Variants in CFTR observed in about 807,000 individuals in gnomAD.
CFTR encodes cystic fibrosis transmembrane conductance regulator.
A neutral mutation model predicts 171.6 loss-of-function variants in CFTR; 181 were observed. The observed-to-expected ratio is 1.05, with a 90% confidence interval of 0.93 to 1.19. CFTR has a LOEUF of 1.19. Ranked by LOEUF, CFTR falls within the 50% of genes most tolerant of loss-of-function variation. CFTR has a pLI of 0.00. For synonymous variants in CFTR, 583 were observed against 608.0 expected, an observed-to-expected ratio of 0.96 and a Z score of 0.60; for missense variants, 1,968 against 1,734.7, an observed-to-expected ratio of 1.13 and a Z score of -2.39.
intron 24 of CFTR, among the ~76,000 whole-genome samples, chr7:117,662,732 T>G (rs978728233): frequency 6.6e-6 from 1 of 152,150 alleles, no homozygotes; most frequent in African/African-American, 2.4e-5. Context: ...TCTTAAGAGA[T>G]GATGATGACC....
chr7:117,664,076 A>G (rs968654384), intron 24 of CFTR, among the ~76,000 whole-genome samples: 1 of 152,110 alleles, frequency 6.6e-6, no homozygotes, highest in Non-Finnish European at 1.5e-5. Context: ...TCATAGTTTT[A>G]CCTATTTGTT....
intron 14 of CFTR, among the ~76,000 whole-genome samples, chr7:117,593,088 G>C (rs2116035313): frequency 6.6e-6 from 1 of 152,282 alleles, no homozygotes; most frequent in South Asian, 2.1e-4. Flanking sequence ...TTAGCCTCTT[G>C]ATAGGACTAA....
intron 11 of CFTR, among the ~76,000 whole-genome samples, chr7:117,568,350 C>A (rs865831199): frequency 6.6e-6 from 1 of 152,152 alleles, no homozygotes; most frequent in African/African-American, 2.4e-5. Flanking sequence ...CAAAGATTGT[C>A]ATTGACTGCA....
intron 22 of CFTR, among the ~76,000 whole-genome samples, chr7:117,634,721 A>G (rs1311573713): frequency 6.6e-6 from 1 of 152,056 alleles, no homozygotes; most frequent in Non-Finnish European, 1.5e-5. Flanking sequence ...TGTGTTACTT[A>G]GAAGTGTGTT....
intron 11 of CFTR, among the ~76,000 whole-genome samples, chr7:117,573,003 T>C (rs1791717025): frequency 6.6e-6 from 1 of 151,976 alleles, no homozygotes; most frequent in Non-Finnish European, 1.5e-5. Flanking sequence ...ATTGCAAAAT[T>C]ACACAGGACC....
At chr7:117,576,510 C>T (rs1008063225) in intron 11 of CFTR, among the ~76,000 whole-genome samples, 11 of 152,052 alleles carry the variant, frequency 7.2e-5, no homozygotes, top group African/African-American at 2.7e-4. Context: ...ACAGAGAGTC[C>T]TGGAACCAAT....
chr7:117,531,883 T>G (rs891004457), intron 4 of CFTR, among the ~76,000 whole-genome samples: 4 of 152,168 alleles, frequency 2.6e-5, no homozygotes, highest in African/African-American at 9.7e-5. Context: ...TGCTTTACCC[T>G]TCTTCTCTCT....
rs760245752 is a variant in CFTR at position 117,665,439 on chromosome 7, G to T, written c.4137-20G>T. 7.5e-7 allele frequency: 1 copy of T among 1,325,696 alleles called. No homozygotes were observed. The highest frequency in any genetic ancestry group is 2.3e-5 in the East Asian group (1 of 43,454). 82.1% of individuals were successfully genotyped at this position (1,325,696 alleles called of 1,614,324 possible). ...TTACTGTTCTGTGATATTATGTGTG[G>T]TATTTTCTTTCTTTTCTAGAACATA... On this transcript the variant is annotated intron_variant, in intron 25 of 26. Transcript: ENST00000003084.
At chr7:117,536,715 C>T in intron 7 of CFTR, 42 bp downstream of exon 7, 2 of 1,545,198 alleles carry the variant, frequency 1.3e-6, no homozygotes, top group Middle Eastern at 3.7e-4. Context: ...GTAATTCTGT[C>T]CTTAATTTTT....
At chr7:117,486,095 C>T (rs1219168405) in intron 1 of CFTR, among the ~76,000 whole-genome samples, 1 of 152,114 alleles carries the variant, frequency 6.6e-6, no homozygotes, top group African/African-American at 2.4e-5. Flanking sequence ...TCCCTTCTGC[C>T]TTAGCCTTTG....
intron 1 of CFTR, among the ~76,000 whole-genome samples, chr7:117,495,149 A>G (rs950733222): frequency 2.6e-5 from 4 of 152,152 alleles, no homozygotes; most frequent in African/African-American, 9.7e-5. Flanking sequence ...TCTTGTGAAT[A>G]AAGAGCTCCT....
chr7:117,632,715 GA>G (rs1792768096), intron 22 of CFTR, among the ~76,000 whole-genome samples: 1 of 152,172 alleles, frequency 6.6e-6, no homozygotes, highest in African/African-American at 2.4e-5. Context: ...TTGGTGGCAG[GA>G]AGTAGAAAGC....
intron 19 of CFTR, among the ~76,000 whole-genome samples, chr7:117,611,270 A>AT (rs1303336853): frequency 1.3e-5 from 2 of 152,122 alleles, no homozygotes; most frequent in Admixed American, 6.6e-5. Context: ...TTAAAAGAAA[A>AT]TTTTTTTAGT....
chr7:117,568,634 G>C (rs1791640728), intron 11 of CFTR, among the ~76,000 whole-genome samples: 1 of 151,994 alleles, frequency 6.6e-6, no homozygotes, highest in South Asian at 2.1e-4. Context: ...AACAATTGTA[G>C]GTATATGTCA....
chr7:117,517,132 A>G (rs1021149090), intron 3 of CFTR, among the ~76,000 whole-genome samples: 2 of 151,930 alleles, frequency 1.3e-5, no homozygotes, highest in African/African-American at 4.8e-5. Context: ...CTAGATGGCG[A>G]TTGCAATGGC....
chr7:117,594,792 T>C, intron 14 of CFTR, 138 bp from the exon 15 acceptor site: 1 of 753,488 alleles, frequency 1.3e-6, no homozygotes, highest in South Asian at 1.7e-5. Flanking sequence ...ACATGGCATT[T>C]ATAATGATTT....
rs762241850 is a variant in CFTR at position 117,480,123 on chromosome 7, G to C, written c.29G>C (p.Ser10Thr). 1.9e-6 allele frequency: 3 copies of C among 1,613,920 alleles called. No homozygotes were observed. Among genetic ancestry groups the C allele is most frequent in the Non-Finnish European group, 2.5e-6 (3 of 1,179,882 alleles). The change falls in exon 1 of 27, where the codon AGC becomes ACC. Residue 10 changes from serine (S) to threonine (T), a missense_variant. By Grantham distance (58) the Ser-to-Thr change is moderately conservative (BLOSUM62 1). Transcript: ENST00000003084. Reference sequence around the variant, plus strand: ...CAGAGGTCGCCTCTGGAAAAGGCCAGCGTTGTCTCCAAACTTTTTTTCAGG... The same window carrying C: ...CAGAGGTCGCCTCTGGAAAAGGCCACCGTTGTCTCCAAACTTTTTTTCAGG... The part of the protein sequence containing the change: MQRSPLEKA[S>T]VVSKLFFSWT...
intron 1 of CFTR, among the ~76,000 whole-genome samples, chr7:117,484,426 A>G (rs1798041352): frequency 6.6e-6 from 1 of 152,302 alleles, no homozygotes; most frequent in Non-Finnish European, 1.5e-5. Flanking sequence ...TTTACATCCT[A>G]TAGGAATTGG....
intron 24 of CFTR, among the ~76,000 whole-genome samples, chr7:117,656,755 G>A (rs777242638): frequency 2.0e-5 from 3 of 152,120 alleles, no homozygotes; most frequent in Non-Finnish European, 4.4e-5. Context: ...CTAAAATGTT[G>A]AGCCTCAAAG....
Sources: allele counts gnomAD v4.1 joint callset (sites outside exome capture counted in the v4.1 genomes callset), GRCh38; gene constraint gnomAD v4.1.1; transcripts MANE v1.5; gene names NCBI Gene and HGNC (gene_info 2026-07-23, HGNC 2026-07-21).